Variants in FAF1 observed in about 807,000 individuals in gnomAD.
FAF1 encodes the protein FAS-associated factor 1.
FAF1 carries 25 observed loss-of-function variants against 92.5 expected under a neutral mutation model. The observed-to-expected ratio is 0.27, with a 90% CI of 0.20 to 0.38. FAF1 has a LOEUF of 0.38. Among genes scored for constraint, FAF1 ranks in the 10% least tolerant of loss-of-function variants. The probability of loss-of-function intolerance (pLI) is 1.00; values close to 1 mark genes in which losing one functional copy is unlikely to be tolerated. For synonymous variants in FAF1, 234 were observed against 273.2 expected (o/e 0.86, Z 1.42); for missense variants, 636 against 793.3 (o/e 0.80, Z 2.38).
At chr1:50,856,262 A>G (rs373360003) in intron 2 of FAF1, among the ~76,000 whole-genome samples, 20 of 151,862 alleles carry the variant, frequency 1.3e-4, no homozygotes, top group Middle Eastern at 3.4e-3. Flanking sequence ...AACCACCCCA[A>G]TAACTTCCAT....
At chr1:50,754,367 G>A (rs1159422137) in intron 4 of FAF1, among the ~76,000 whole-genome samples, 1 of 152,172 alleles carries the variant, frequency 6.6e-6, no homozygotes, top group Non-Finnish European at 1.5e-5. Context: ...CCACCACTGA[G>A]GAAAGATCCT....
intron 4 of FAF1, 121 bp downstream of exon 4, chr1:50,787,879 C>G: frequency 4.2e-6 from 3 of 708,806 alleles, no homozygotes; most frequent in Non-Finnish European, 7.2e-6. Context: ...GGAAAGTTAC[C>G]AGTTTCAACT....
rs533287522 is a variant in FAF1 at position 50,533,278 on chromosome 1, C to T, written c.1494+2091G>A. Among the ~76,000 whole-genome samples, 12 of 152,158 alleles carry T rather than the reference C, an allele frequency of 7.9e-5. No individual in the cohort carries two copies. The South Asian group carries it at 2.3e-3, about 29-fold the overall frequency. On this transcript the variant is annotated intron_variant, in intron 15 of 18. Coordinates refer to ENST00000396153, the MANE Select transcript of FAF1 (RefSeq NM_007051.3). ...ATAGAGATGGGGTTTCACCATGTTGCCCAGGCTGGTCTCTTAAATCCTTAG... is the reference window on the plus strand; with the variant it reads ...ATAGAGATGGGGTTTCACCATGTTGTCCAGGCTGGTCTCTTAAATCCTTAG...
intron 7 of FAF1, among the ~76,000 whole-genome samples, chr1:50,663,632 T>C (rs1479698172): frequency 6.6e-6 from 1 of 151,454 alleles, no homozygotes; most frequent in Non-Finnish European, 1.5e-5. Context: ...CTCGAACTCC[T>C]GACCTCGTGA....
chr1:50,836,189 T>TTTTTTTTTTTTG (rs1553144967), intron 2 of FAF1, among the ~76,000 whole-genome samples: 2 of 146,808 alleles, frequency 1.4e-5, no homozygotes, highest in African/African-American at 2.6e-5. Flanking sequence ...TTTTTTTTTT[T>TTTTTTTTTTTTG]AGACAGGGTC....
rs1235139072 is a variant in FAF1, at chr1:50,519,892, T to C, written c.1494+15477A>G. 2.1e-4 allele frequency among the ~76,000 whole-genome samples: 32 copies of C among 152,212 alleles called. 1 individual carries two copies. Among genetic ancestry groups the C allele is most frequent in the Non-Finnish European group, 2.9e-5 (2 of 68,026 alleles). Reference sequence around the variant, plus strand: ...GAGGCCTAACTCTGCTAGGCAGCTCTAACACCCTACATGTATCTCCATCAC... The same window carrying C: ...GAGGCCTAACTCTGCTAGGCAGCTCCAACACCCTACATGTATCTCCATCAC... On this transcript the variant is annotated intron_variant, in intron 15 of 18. Coordinates refer to ENST00000396153, the MANE Select transcript of FAF1 (RefSeq NM_007051.3).
chr1:50,575,395 G>A (rs1650679164), intron 12 of FAF1, among the ~76,000 whole-genome samples: 1 of 151,990 alleles, frequency 6.6e-6, no homozygotes, highest in South Asian at 2.1e-4. Flanking sequence ...CAGCAGGTTT[G>A]GTATGGTTGT....
intron 7 of FAF1, among the ~76,000 whole-genome samples, chr1:50,704,337 A>G (rs1229214650): frequency 6.6e-6 from 1 of 152,162 alleles, no homozygotes; most frequent in East Asian, 1.9e-4. Flanking sequence ...CGAAGGAAAA[A>G]AAGGCAAACT....
Position 50,895,855 on chromosome 1 carries a change from TA to T in FAF1, c.46-37859del, listed in dbSNP as rs575689497. ...AAAATTCAACATCCCTTCATGATTT[TA>T]AAAAAAAAGCCTCAACACACTGGGT... On this transcript the variant is annotated intron_variant, in intron 1 of 18. Coordinates refer to ENST00000396153, the MANE Select transcript of FAF1 (RefSeq NM_007051.3). 2.3e-3 allele frequency among the ~76,000 whole-genome samples: 339 copies of T among 150,586 alleles called. 3 individuals are homozygous for T. Among genetic ancestry groups the T allele is most frequent in the Admixed American group, 5.9e-3 (89 of 15,108 alleles).
chr1:50,796,266 C>T (rs1661747405), intron 3 of FAF1, among the ~76,000 whole-genome samples: 2 of 152,074 alleles, frequency 1.3e-5, no homozygotes, highest in Non-Finnish European at 2.9e-5. Flanking sequence ...ATCCTATCAA[C>T]ATCACCCTAG....
intron 6 of FAF1, among the ~76,000 whole-genome samples, chr1:50,732,442 T>G (rs1403663821): frequency 6.6e-6 from 1 of 152,234 alleles, no homozygotes; most frequent in African/African-American, 2.4e-5. Context: ...CTTGTAATTC[T>G]GTCCAATTTT....
chr1:50,620,699 T>G (rs1203055848), intron 8 of FAF1, among the ~76,000 whole-genome samples: 1 of 152,232 alleles, frequency 6.6e-6, no homozygotes, highest in Non-Finnish European at 1.5e-5. Context: ...GTTTCACAGG[T>G]GTATATATTA....
chr1:50,478,794 A>C (rs939112766), intron 17 of FAF1, among the ~76,000 whole-genome samples: 5 of 152,192 alleles, frequency 3.3e-5, no homozygotes, highest in Admixed American at 3.3e-4. Context: ...TTTTTTCAAA[A>C]TTTGAGTCAG....
rs1646145988 is a variant in FAF1 at position 50,438,647 on chromosome 1, A to G, written c.*2793T>C. ...AGACCCTCTCCCACATTCAAATGAA[A>G]AAGTCTATACTTTGGGGGAAATTTG... On this transcript the variant is annotated 3_prime_UTR_variant, in exon 19 of 19. Coordinates refer to ENST00000396153, the MANE Select transcript of FAF1 (RefSeq NM_007051.3). The G allele has an allele frequency of 1.3e-5, 2 of 152,202 alleles. No homozygotes were observed. The allele number at this position is 152,202 out of a possible 1,614,324, so 9.4% of individuals were successfully genotyped here.
intron 15 of FAF1, among the ~76,000 whole-genome samples, chr1:50,507,684 C>T (rs1438808090): frequency 2.6e-5 from 4 of 152,160 alleles, no homozygotes; most frequent in Non-Finnish European, 5.9e-5. Context: ...TCACTGCCTT[C>T]TAGCCTGGGC....
intron 8 of FAF1, among the ~76,000 whole-genome samples, chr1:50,629,188 G>T (rs943578483): frequency 7.5e-6 from 1 of 133,704 alleles, no homozygotes; most frequent in Non-Finnish European, 1.5e-5. Flanking sequence ...TTTTTGAGAC[G>T]GAGTTTCACT....
At position 50,785,627 on chromosome 1, in the gene FAF1, AAAAGAAAAGGG is replaced by A. The variant is rs1217897096; in HGVS notation, c.367+2362_367+2372del. Among the ~76,000 whole-genome samples the A allele has an allele frequency of 5.3e-5, 8 of 152,006 alleles. No homozygotes were observed. In the South Asian group the frequency reaches 1.5e-3, roughly 28 times the overall value. ...CTACTATACAAAAAAAAAAGGAAAG[AAAAGAAAAGGG>A]AAAGAAAAGAGAAAAGAAAAACAGA... On this transcript the variant is annotated intron_variant, in intron 4 of 18. Transcript: ENST00000396153.
At chr1:50,793,832 T>A (rs1029779966) in intron 3 of FAF1, among the ~76,000 whole-genome samples, 6 of 152,212 alleles carry the variant, frequency 3.9e-5, no homozygotes, top group African/African-American at 1.4e-4. Flanking sequence ...GGTCCTGAAT[T>A]GCATAAGCAG....
intron 1 of FAF1, among the ~76,000 whole-genome samples, chr1:50,903,402 A>C (rs1020605466): frequency 2.0e-5 from 3 of 152,156 alleles, no homozygotes; most frequent in African/African-American, 7.2e-5. Flanking sequence ...TAGTCTCCTC[A>C]AGATATGACT....
Sources: gnomAD v4.1 joint callset for allele counts (sites outside exome capture counted in the v4.1 genomes callset) on GRCh38, gnomAD v4.1.1 for gene constraint, MANE v1.5 for transcripts, NCBI Gene and HGNC (gene_info 2026-07-23, HGNC 2026-07-21) for gene names.